HSD17B12: variants seen among roughly 807,000 people sequenced by gnomAD.
HSD17B12 encodes the protein very-long-chain 3-oxoacyl-CoA reductase.
A neutral mutation model predicts 39.3 loss-of-function variants in HSD17B12; 32 were observed. That is an observed-to-expected ratio of 0.81 (90% confidence interval 0.61 to 1.09). The LOEUF (loss-of-function observed/expected upper bound fraction) is 1.09. Ranked by LOEUF, HSD17B12 falls within the 50% of genes least tolerant of loss-of-function variation. The pLI is 0.00. For synonymous variants in HSD17B12, 150 were observed against 146.7 expected, an observed-to-expected ratio of 1.02 and a Z score of -0.16; for missense variants, 342 against 382.9, an observed-to-expected ratio of 0.89 and a Z score of 0.89.
In HSD17B12 at chr11:43,794,845, G is replaced by A. The variant is rs114503115; in HGVS notation, c.284-3475G>A. Among the ~76,000 whole-genome samples the A allele has an allele frequency of 5.1e-3, 776 of 152,270 alleles. 9 individuals are homozygous for A. The highest frequency in any genetic ancestry group is 0.017 in the African/African-American group (716 of 41,548). Reference sequence around the variant, plus strand: ...TTATCCTACACACTTGTGGGATATTGATTTTAACTTATTTCAACTCCTACT... The same window carrying A: ...TTATCCTACACACTTGTGGGATATTAATTTTAACTTATTTCAACTCCTACT... On this transcript the variant is annotated intron_variant, in intron 3 of 10. Coordinates refer to ENST00000278353, the MANE Select transcript of HSD17B12 (RefSeq NM_016142.3).
upstream of HSD17B12, among the ~76,000 whole-genome samples, chr11:43,676,520 A>G (rs1197109517): frequency 2.0e-5 from 3 of 152,198 alleles, no homozygotes; most frequent in Non-Finnish European, 4.4e-5. Context: ...AGGGGCCAGC[A>G]AAGGACACTG....
intron 1 of HSD17B12, among the ~76,000 whole-genome samples, chr11:43,698,020 A>C (rs979920331): frequency 6.6e-6 from 1 of 152,208 alleles, no homozygotes; most frequent in Non-Finnish European, 1.5e-5. Flanking sequence ...GGAGACCAGC[A>C]GGAGACTGGT....
chr11:43,593,383 G>T, the HSD17B12 span, among the ~76,000 whole-genome samples: 1 of 152,090 alleles, frequency 6.6e-6, no homozygotes, highest in Non-Finnish European at 1.5e-5. Context: ...ATAGGTTACC[G>T]TCAAATCTGA....
chr11:43,845,790 C>T (rs1374025784), intron 9 of HSD17B12, among the ~76,000 whole-genome samples: 17 of 152,122 alleles, frequency 1.1e-4, no homozygotes, highest in Admixed American at 1.1e-3. Context: ...CTATTATTTC[C>T]CTTGCACTAA....
chr11:43,653,095 G>T, the HSD17B12 span, among the ~76,000 whole-genome samples: 2 of 152,014 alleles, frequency 1.3e-5, no homozygotes, highest in Non-Finnish European at 2.9e-5. Flanking sequence ...TGGAAGGAGG[G>T]CAGGGGAAGG....
chr11:43,802,730 G>T (rs556119729), intron 4 of HSD17B12, among the ~76,000 whole-genome samples: 1 of 152,288 alleles, frequency 6.6e-6, no homozygotes, highest in African/African-American at 2.4e-5. Context: ...GCTCAAGGAT[G>T]CTACTAAACA....
the HSD17B12 span, among the ~76,000 whole-genome samples, chr11:43,587,577 C>T: frequency 6.6e-6 from 1 of 152,182 alleles, no homozygotes; most frequent in African/African-American, 2.4e-5. Context: ...GTTAATACTG[C>T]AAGTGGCTAG....
At chr11:43,671,888 T>TA in the HSD17B12 span, among the ~76,000 whole-genome samples, 1 of 152,296 alleles carries the variant, frequency 6.6e-6, no homozygotes, top group African/African-American at 2.4e-5. Context: ...CTTTTGAAAC[T>TA]AAAAAATAAG....
At chr11:43,565,392 TAAG>T in the HSD17B12 span, among the ~76,000 whole-genome samples, 1 of 152,270 alleles carries the variant, frequency 6.6e-6, no homozygotes, top group Non-Finnish European at 1.5e-5. Flanking sequence ...CATCTATAAT[TAAG>T]GAGAGGTGCA....
chr11:43,786,803 A>G (rs1017572883), intron 3 of HSD17B12, among the ~76,000 whole-genome samples: 6 of 152,232 alleles, frequency 3.9e-5, no homozygotes, highest in Non-Finnish European at 8.8e-5. Flanking sequence ...AATGTTATTT[A>G]GTAGCATTCT....
intron 6 of HSD17B12, among the ~76,000 whole-genome samples, chr11:43,817,022 CTATAT>C (rs1951134326): frequency 4.8e-5 from 1 of 20,792 alleles, no homozygotes; most frequent in African/African-American, 1.4e-4. Context: ...ATATCTATAT[CTATAT>C]CTATATCTAT....
At chr11:43,765,266 T>C (rs1246660745) in intron 3 of HSD17B12, among the ~76,000 whole-genome samples, 1 of 152,110 alleles carries the variant, frequency 6.6e-6, no homozygotes, top group African/African-American at 2.4e-5. Flanking sequence ...ACCCTTTACA[T>C]TTGAAAGGTA....
At chr11:43,799,279 A>T (rs184899818) in intron 4 of HSD17B12, among the ~76,000 whole-genome samples, 207 of 152,134 alleles carry the variant, frequency 1.4e-3, no homozygotes, top group African/African-American at 4.7e-3. Flanking sequence ...CCCTGACCAA[A>T]TTTCATCTAC....
At chr11:43,709,992 C>CTGTG (rs768831455) in intron 1 of HSD17B12, among the ~76,000 whole-genome samples, 1 of 152,150 alleles carries the variant, frequency 6.6e-6, no homozygotes, top group Non-Finnish European at 1.5e-5. Context: ...GCTAGACTGC[C>CTGTG]TGTGTTTCTG....
chr11:43,755,028 C>A, intron 3 of HSD17B12: 1 of 569,116 alleles, frequency 1.8e-6, no homozygotes, highest in South Asian at 2.4e-5. Context: ...CAGGAAGCTT[C>A]TGTGTATAAT....
chr11:43,715,433 A>G (rs1950112146), intron 1 of HSD17B12, among the ~76,000 whole-genome samples: 1 of 151,982 alleles, frequency 6.6e-6, no homozygotes, highest in African/African-American at 2.4e-5. Flanking sequence ...ACGTTTATTG[A>G]TTTGGGTATG....
chr11:43,853,769 A>T (rs1951556056), intron 9 of HSD17B12: 1 of 152,008 alleles, frequency 6.6e-6, no homozygotes, highest in African/African-American at 2.4e-5. Context: ...AGCCTAAGCA[A>T]CAAGCAAAAC....
At chr11:43,781,692 C>A (rs1950767453) in intron 3 of HSD17B12, among the ~76,000 whole-genome samples, 1 of 152,018 alleles carries the variant, frequency 6.6e-6, no homozygotes, top group African/African-American at 2.4e-5. Context: ...ATTTTGCCAA[C>A]AATTTTAGGG....
At chr11:43,718,237 G>A (rs1324397468) in intron 1 of HSD17B12, among the ~76,000 whole-genome samples, 3 of 152,196 alleles carry the variant, frequency 2.0e-5, no homozygotes, top group Admixed American at 1.3e-4. Context: ...GGAAGGTATT[G>A]TTGCAGCTGT....
Sources: gnomAD v4.1 joint callset for allele counts (sites outside exome capture counted in the v4.1 genomes callset) on GRCh38, gnomAD v4.1.1 for gene constraint, MANE v1.5 for transcripts, NCBI Gene and HGNC (gene_info 2026-07-23, HGNC 2026-07-21) for gene names.